Variants in CYB5R3 observed in about 807,000 individuals in gnomAD.
The protein encoded by CYB5R3 is NADH-cytochrome b5 reductase 3.
In CYB5R3, 28 loss-of-function variants were observed where a neutral mutation model predicts 36.5. That is an observed-to-expected ratio of 0.77 (90% CI 0.57 to 1.05). The LOEUF (loss-of-function observed/expected upper bound fraction) is 1.05, where lower values mean the gene tolerates loss of function less well. Ranked by LOEUF, CYB5R3 falls within the 50% of genes least tolerant of loss-of-function variation. The pLI is 0.00. For synonymous variants in CYB5R3, 181 were observed against 159.8 expected (o/e 1.13, Z -1.00); for missense variants, 474 against 408.9 (o/e 1.16, Z -1.37).
chr22:42,620,975 G>A (rs985486861), intron 8 of CYB5R3, among the ~76,000 whole-genome samples: 1 of 152,010 alleles, frequency 6.6e-6, no homozygotes, highest in Non-Finnish European at 1.5e-5. Flanking sequence ...CTTTCCATTT[G>A]TGCCACTCTG....
chr22:42,633,152 AC>A (rs1928706382), intron 2 of CYB5R3: 1 of 152,384 alleles, frequency 6.6e-6, no homozygotes, highest in Non-Finnish European at 1.5e-5. Flanking sequence ...CCGCAAAGCC[AC>A]CATGGGCACA....
At chr22:42,627,434 G>A (rs769600856) in intron 6 of CYB5R3, 45 bp from the exon 7 acceptor site, 5 of 1,591,984 alleles carry the variant, frequency 3.1e-6, no homozygotes, top group Admixed American at 1.7e-5. Context: ...AGCGAGGCCT[G>A]TTCACAGGCA....
intron 1 of CYB5R3, among the ~76,000 whole-genome samples, chr22:42,645,162 G>C (rs1929480284): frequency 6.6e-6 from 1 of 152,146 alleles, no homozygotes; most frequent in Non-Finnish European, 1.5e-5. Flanking sequence ...TCCAACCCCA[G>C]GCTGCCGGCT....
At chr22:42,641,777 C>CGCCTG (rs1365480203) in intron 1 of CYB5R3, among the ~76,000 whole-genome samples, 1 of 152,152 alleles carries the variant, frequency 6.6e-6, no homozygotes, top group Non-Finnish European at 1.5e-5. Context: ...TGAGCCACAG[C>CGCCTG]GCCTGGCCAA....
At chr22:42,637,539 TG>T (rs1928961473) in intron 1 of CYB5R3, among the ~76,000 whole-genome samples, 1 of 152,126 alleles carries the variant, frequency 6.6e-6, no homozygotes, top group Admixed American at 6.6e-5. Context: ...AGCGAAGCAC[TG>T]AGCCAGGCAC....
In CYB5R3 at chr22:42,617,882, G is replaced by A. The variant is rs973962035; in HGVS notation, c.*1891C>T. 1.3e-5 allele frequency: 2 copies of A among 152,276 alleles called. No homozygotes were observed. The highest frequency in any genetic ancestry group is 2.9e-5 in the Non-Finnish European group (2 of 68,108). 9.4% of individuals were successfully genotyped at this position (152,276 alleles called of 1,614,324 possible). On this transcript the variant is annotated 3_prime_UTR_variant, in exon 9 of 9. Transcript: ENST00000352397. ...ATTCCACAAGCTGGTTCCAACGGCA[G>A]GGCCTTTGCGTCTGCTGTTTCCACC...
intron 1 of CYB5R3, chr22:42,647,125 C>T (rs528244915): frequency 1.3e-4 from 36 of 286,434 alleles, no homozygotes; most frequent in African/African-American, 7.5e-4. Flanking sequence ...GTGGGGAGCC[C>T]GTAAGCCAGG....
chr22:42,629,569 A>G (rs932986852), intron 4 of CYB5R3, among the ~76,000 whole-genome samples: 4 of 152,306 alleles, frequency 2.6e-5, no homozygotes, highest in African/African-American at 9.6e-5. Context: ...TGGGCGCCCC[A>G]GCAAGGAAGG....
chr22:42,627,438 A>G, intron 6 of CYB5R3, 49 bp from the exon 7 acceptor site: 2 of 1,585,808 alleles, frequency 1.3e-6, no homozygotes, highest in Non-Finnish European at 1.7e-6. Context: ...AGGCCTGTTC[A>G]CAGGCACCGC....
chr22:42,644,592 C>T lies in CYB5R3; in HGVS notation c.21+4703G>A, dbSNP rs1022838935. The T allele has an allele frequency of 7.3e-6, 11 of 1,508,392 alleles. No individual in the cohort carries two copies. In the African/African-American group the frequency reaches 1.2e-4, roughly 17 times the overall value. 93.4% of individuals were successfully genotyped at this position (1,508,392 alleles called of 1,614,324 possible). A position where few individuals can be genotyped will look rare whatever the true frequency, so the allele number is the denominator to read the frequency against. On this transcript the variant is annotated intron_variant, in intron 1 of 8. Transcript: ENST00000352397. ...CAGGCCCTTGGTAGACTTTTCACAG[C>T]CCCTGGTCCCTTCTGGAAACTCCCT...
At chr22:42,631,048 C>G (rs1928589842) in intron 3 of CYB5R3, 60 bp from the exon 4 acceptor site, 1 of 1,439,760 alleles carries the variant, frequency 6.9e-7, no homozygotes, top group Admixed American at 1.8e-5. Flanking sequence ...ACCCCTGGGT[C>G]TTGTCAACCC....
At chr22:42,643,437 G>T (rs1929384389) in intron 1 of CYB5R3, among the ~76,000 whole-genome samples, 1 of 135,350 alleles carries the variant, frequency 7.4e-6, no homozygotes, top group Non-Finnish European at 1.6e-5. Context: ...ACCAGGCCTG[G>T]CCCCCGCCCC....
intron 7 of CYB5R3, 67 bp from the exon 8 acceptor site, chr22:42,623,955 G>C (rs772163396): frequency 7.1e-7 from 1 of 1,411,352 alleles, no homozygotes; most frequent in Non-Finnish European, 1.0e-6. Flanking sequence ...ACACTCAACA[G>C]AGACGCGCCT....
chr22:42,648,515 G>A (rs2146917718), intron 1 of CYB5R3, among the ~76,000 whole-genome samples: 1 of 152,358 alleles, frequency 6.6e-6, no homozygotes, highest in South Asian at 2.1e-4. Context: ...CAGCAGCAGA[G>A]TGGACTTTGA....
intron 1 of CYB5R3, among the ~76,000 whole-genome samples, chr22:42,643,467 C>G (rs181393114): frequency 5.4e-5 from 7 of 130,232 alleles, no homozygotes; most frequent in African/African-American, 1.7e-4. Flanking sequence ...CACCCTGCAA[C>G]GGCCCAGCAG....
chr22:42,642,304 C>T (rs1164070384), intron 1 of CYB5R3, among the ~76,000 whole-genome samples: 1 of 151,962 alleles, frequency 6.6e-6, no homozygotes, highest in Non-Finnish European at 1.5e-5. Context: ...TGTAGAGATG[C>T]GGTTTCACCA....
intron 8 of CYB5R3, among the ~76,000 whole-genome samples, chr22:42,621,294 C>G (rs1172064275): frequency 6.6e-6 from 1 of 152,102 alleles, no homozygotes; most frequent in Admixed American, 6.5e-5. Context: ...TCATAATGCC[C>G]TCCAGCCTGG....
At chr22:42,645,249 T>A (rs8190402) in intron 1 of CYB5R3, among the ~76,000 whole-genome samples, 20,427 of 151,868 alleles carry the variant, frequency 0.13, 1,964 homozygotes, top group East Asian at 0.58. Flanking sequence ...TCCCCAACAC[T>A]CCACACAGAA....
chr22:42,624,775 C>T (rs985581081), intron 7 of CYB5R3, among the ~76,000 whole-genome samples: 4 of 152,108 alleles, frequency 2.6e-5, no homozygotes, highest in African/African-American at 7.2e-5. Flanking sequence ...ACTAACAAAT[C>T]GCTACTGAGC....
Sources: gnomAD v4.1 joint callset for allele counts (sites outside exome capture counted in the v4.1 genomes callset) on GRCh38, gnomAD v4.1.1 for gene constraint, MANE v1.5 for transcripts, NCBI Gene and HGNC (gene_info 2026-07-23, HGNC 2026-07-21) for gene names.